The following ROR1 variants were observed in gnomAD, a reference collection of about 807,000 sequenced individuals.
The protein encoded by ROR1 is inactive tyrosine-protein kinase transmembrane receptor ROR1.
Under a neutral mutation model 78.8 loss-of-function variants are expected in ROR1, and 19 were observed. That is an observed-to-expected ratio of 0.24 (90% CI 0.17 to 0.35). The LOEUF (loss-of-function observed/expected upper bound fraction) is 0.35, where lower values mean the gene tolerates loss of function less well. ROR1 is among the 10% of genes least tolerant of loss of function. ROR1 has a pLI of 1.00. For synonymous variants in ROR1, 386 were observed against 433.6 expected (o/e 0.89, Z 1.36); for missense variants, 917 against 1,177.8 (o/e 0.78, Z 3.24).
intron 8 of ROR1, among the ~76,000 whole-genome samples, chr1:64,162,229 G>A (rs12409429): frequency 0.23 from 34,465 of 152,008 alleles, 4,829 homozygotes; most frequent in Admixed American, 0.31. Flanking sequence ...CCAAATGAAT[G>A]TGCCCTTCAG....
chr1:63,985,406 C>T (rs1646242731), intron 1 of ROR1, among the ~76,000 whole-genome samples: 1 of 152,100 alleles, frequency 6.6e-6, no homozygotes, highest in Non-Finnish European at 1.5e-5. Flanking sequence ...GGAACCTAAT[C>T]CAAATGTTAA....
chr1:64,056,139 C>A (rs1227721870), intron 4 of ROR1, among the ~76,000 whole-genome samples: 1 of 152,062 alleles, frequency 6.6e-6, no homozygotes, highest in African/African-American at 2.4e-5. Flanking sequence ...CTGCCATGAC[C>A]ATTCATGTGC....
chr1:63,857,367 T>C (rs924767874), intron 1 of ROR1, among the ~76,000 whole-genome samples: 2 of 152,182 alleles, frequency 1.3e-5, no homozygotes, highest in African/African-American at 4.8e-5. Context: ...GGACCAAGAA[T>C]AGAATAGCCA....
intron 7 of ROR1, 143 bp downstream of exon 7, chr1:64,142,793 T>G (rs1649362509): frequency 6.2e-6 from 9 of 1,448,796 alleles, no homozygotes; most frequent in Non-Finnish European, 8.1e-6. Context: ...AGGGTAAACC[T>G]TGCCGTTTCT....
intron 1 of ROR1, among the ~76,000 whole-genome samples, chr1:63,803,964 A>G (rs1375019445): frequency 6.6e-6 from 1 of 152,232 alleles, no homozygotes; most frequent in African/African-American, 2.4e-5. Flanking sequence ...CAGTGAAAAT[A>G]ATGTTTTACT....
At chr1:64,047,717 G>A (rs996464736) in intron 2 of ROR1, among the ~76,000 whole-genome samples, 8 of 152,158 alleles carry the variant, frequency 5.3e-5, no homozygotes, top group Admixed American at 2.0e-4. Flanking sequence ...AAACATCTTA[G>A]GAACATATGT....
intron 4 of ROR1, among the ~76,000 whole-genome samples, chr1:64,091,494 C>G (rs1424655191): frequency 6.6e-6 from 1 of 152,080 alleles, no homozygotes; most frequent in Non-Finnish European, 1.5e-5. Flanking sequence ...AAATGACAAT[C>G]TTTGATCCCA....
At position 64,133,652 on chromosome 1, in the gene ROR1, C is replaced by T. The variant is rs561982054; in HGVS notation, c.483-3717C>T. Among the ~76,000 whole-genome samples the T allele has an allele frequency of 3.3e-5, 5 of 152,362 alleles. No homozygotes were observed. The East Asian group carries it at 7.7e-4, about 24-fold the overall frequency. On this transcript the variant is annotated intron_variant, in intron 4 of 8. Coordinates refer to ENST00000371079, the MANE Select transcript of ROR1 (RefSeq NM_005012.4). ...GCACCTTGACATCATGGTGAGGCAG[C>T]GGCGCACGCTGGTGCCAGCCACTGT...
Position 63,841,142 on chromosome 1 carries a change from C to T in ROR1, c.91+66634C>T, listed in dbSNP as rs1243539221. Among the ~76,000 whole-genome samples, 3 of 152,158 alleles carry T rather than the reference C, an allele frequency of 2.0e-5. No individual in the cohort carries two copies. The East Asian group carries it at 5.8e-4, about 29-fold the overall frequency. On this transcript the variant is annotated intron_variant, in intron 1 of 8. Transcript: ENST00000371079. ...TCTACATGTATTACAAAATGTACGT[C>T]TCATTGCCATTTATGAGGTATGCAT...
chr1:64,104,491 T>A lies in ROR1; in HGVS notation c.483-32878T>A, dbSNP rs190812292. Among the ~76,000 whole-genome samples the A allele has an allele frequency of 3.7e-3, 566 of 152,224 alleles. 6 individuals are homozygous for A. The highest frequency in any genetic ancestry group is 0.013 in the African/African-American group (535 of 41,530). On this transcript the variant is annotated intron_variant, in intron 4 of 8. Coordinates refer to ENST00000371079, the MANE Select transcript of ROR1 (RefSeq NM_005012.4). The stretch of plus-strand genomic sequence containing the variant: ...CCTCATGGGTAATAAATTCTTTTTT[T>A]TTTTTATTTTACTTTAAGTTCCGGG...
At chr1:63,874,805 A>G (rs1012387046) in intron 1 of ROR1, among the ~76,000 whole-genome samples, 2 of 152,022 alleles carry the variant, frequency 1.3e-5, no homozygotes, top group Admixed American at 6.6e-5. Context: ...TTTCTCCATG[A>G]TCTTTGGACA....
At chr1:63,845,419 G>A (rs645712) in intron 1 of ROR1, among the ~76,000 whole-genome samples, 63,338 of 151,518 alleles carry the variant, frequency 0.42, 15,960 homozygotes, top group African/African-American at 0.72. Context: ...AGTAGTAGTG[G>A]TAACTACTAT....
chr1:63,917,138 A>T (rs1645615251), intron 1 of ROR1, among the ~76,000 whole-genome samples: 1 of 152,180 alleles, frequency 6.6e-6, no homozygotes, highest in Non-Finnish European at 1.5e-5. Context: ...GTCACTGGGC[A>T]CCATACTTTC....
At chr1:64,014,628 G>C (rs1646502199) in intron 2 of ROR1, among the ~76,000 whole-genome samples, 1 of 141,192 alleles carries the variant, frequency 7.1e-6, no homozygotes, top group African/African-American at 2.6e-5. Flanking sequence ...CCCATAGGCA[G>C]CAGAAATGGA....
At chr1:63,885,643 A>G (rs964512746) in intron 1 of ROR1, among the ~76,000 whole-genome samples, 1 of 152,002 alleles carries the variant, frequency 6.6e-6, no homozygotes, top group Non-Finnish European at 1.5e-5. Flanking sequence ...TCTGGTTCCA[A>G]TTTTCTCTCC....
At chr1:64,055,621 G>A (rs945015060) in intron 4 of ROR1, among the ~76,000 whole-genome samples, 8 of 152,326 alleles carry the variant, frequency 5.3e-5, no homozygotes, top group Middle Eastern at 3.4e-3. Flanking sequence ...GGTTCCATGC[G>A]TACTCTTTAC....
At chr1:64,115,078 C>T (rs1557659309) in intron 4 of ROR1, among the ~76,000 whole-genome samples, 1 of 152,146 alleles carries the variant, frequency 6.6e-6, no homozygotes, top group Non-Finnish European at 1.5e-5. Context: ...AATCCCCCTA[C>T]CTCAGCCTCC....
At chr1:63,775,414 G>A (rs1221799079) in intron 1 of ROR1, 2 of 152,188 alleles carry the variant, frequency 1.3e-5, no homozygotes, top group Non-Finnish European at 2.9e-5. Context: ...ATTCTTTGGA[G>A]GTTGGAGGGG....
intron 2 of ROR1, among the ~76,000 whole-genome samples, chr1:64,030,132 T>G (rs1569578817): frequency 6.6e-6 from 1 of 152,336 alleles, no homozygotes; most frequent in East Asian, 1.9e-4. Flanking sequence ...CCCAGTTTGC[T>G]CCCAATTTTA....
Sources: gnomAD v4.1 joint callset for allele counts (sites outside exome capture counted in the v4.1 genomes callset) on GRCh38, gnomAD v4.1.1 for gene constraint, MANE v1.5 for transcripts, NCBI Gene and HGNC (gene_info 2026-07-23, HGNC 2026-07-21) for gene names.